The following KCTD1 variants were observed in gnomAD, a reference collection of about 807,000 sequenced individuals.
KCTD1 encodes the protein potassium channel tetramerization domain containing 1.
KCTD1 carries 24 observed loss-of-function variants against 66.0 expected under a neutral mutation model. That is an observed-to-expected ratio of 0.36 (90% CI 0.26 to 0.51). The LOEUF (loss-of-function observed/expected upper bound fraction) is 0.51, where lower values mean the gene tolerates loss of function less well. Ranked by LOEUF, KCTD1 falls within the 20% of genes least tolerant of loss-of-function variation. The probability of loss-of-function intolerance (pLI) is 0.95; values close to 1 mark genes in which losing one functional copy is unlikely to be tolerated. For synonymous variants in KCTD1, 511 were observed against 517.2 expected, an observed-to-expected ratio of 0.99 and a Z score of 0.16; for missense variants, 943 against 1,205.2, an observed-to-expected ratio of 0.78 and a Z score of 3.22.
intron 2 of KCTD1, among the ~76,000 whole-genome samples, chr18:26,480,839 G>A (rs1052315492): frequency 6.6e-6 from 1 of 152,104 alleles, no homozygotes; most frequent in Non-Finnish European, 1.5e-5. Context: ...AATCTCTGAG[G>A]AAACCAAGCC....
chr18:26,530,676 C>T (rs1449731664), intron 1 of KCTD1, among the ~76,000 whole-genome samples: 3 of 152,204 alleles, frequency 2.0e-5, no homozygotes, highest in Admixed American at 6.5e-5. Context: ...TTGGAACATA[C>T]GTGGTAGAGC....
intron 1 of KCTD1, among the ~76,000 whole-genome samples, chr18:26,607,229 T>A (rs1287495440): frequency 6.6e-6 from 1 of 152,190 alleles, no homozygotes; most frequent in Non-Finnish European, 1.5e-5. Context: ...AGAGATGGGA[T>A]CTTGCTGTGT....
intron 1 of KCTD1, among the ~76,000 whole-genome samples, chr18:26,652,470 G>A (rs1164887945): frequency 3.3e-5 from 5 of 152,152 alleles, no homozygotes; most frequent in African/African-American, 1.2e-4. Context: ...CTTTTAAAAA[G>A]CATCCAACCA....
chr18:26,647,912 T>G (rs1987961189), intron 1 of KCTD1, among the ~76,000 whole-genome samples: 1 of 152,080 alleles, frequency 6.6e-6, no homozygotes, highest in Non-Finnish European at 1.5e-5. Flanking sequence ...TAATCTCGGC[T>G]CACTGCAACC....
chr18:26,641,204 C>A (rs1232751992), upstream of KCTD1, among the ~76,000 whole-genome samples: 1 of 152,166 alleles, frequency 6.6e-6, no homozygotes, highest in Non-Finnish European at 1.5e-5. Context: ...TGTTCAAGTT[C>A]CCTGCCCCGC....
intron 1 of KCTD1, among the ~76,000 whole-genome samples, chr18:26,571,743 T>C (rs1598946768): frequency 1.3e-5 from 2 of 152,304 alleles, no homozygotes; most frequent in East Asian, 3.9e-4. Flanking sequence ...ATCATAAATA[T>C]GGTATGGTGA....
At chr18:26,639,012 C>G (rs17680748) in intron 1 of KCTD1, among the ~76,000 whole-genome samples, 1 of 152,130 alleles carries the variant, frequency 6.6e-6, no homozygotes, top group South Asian at 2.1e-4. Context: ...GAGATGCCCA[C>G]GGGACTGCGG....
chr18:26,575,905 G>T (rs1023378911), intron 1 of KCTD1, among the ~76,000 whole-genome samples: 1 of 152,126 alleles, frequency 6.6e-6, no homozygotes, highest in Non-Finnish European at 1.5e-5. Flanking sequence ...GACGATATTC[G>T]GTGTTATTTT....
intron 1 of KCTD1, among the ~76,000 whole-genome samples, chr18:26,579,480 GTGAGTTCCACC>G (rs1423543167): frequency 6.6e-6 from 1 of 152,090 alleles, no homozygotes; most frequent in African/African-American, 2.4e-5. Context: ...TTGTCATCTG[GTGAGTTCCACC>G]TGATTTAGAT....
chr18:26,558,676 C>A (rs1366770979), intron 1 of KCTD1, among the ~76,000 whole-genome samples: 1 of 152,162 alleles, frequency 6.6e-6, no homozygotes, highest in South Asian at 2.1e-4. Context: ...GTAATCCCAG[C>A]ACTTTGGGAG....
intron 2 of KCTD1, among the ~76,000 whole-genome samples, chr18:26,494,149 C>A (rs901868542): frequency 6.6e-6 from 1 of 152,158 alleles, no homozygotes; most frequent in African/African-American, 2.4e-5. Context: ...GTGGGAGGAT[C>A]ACTTGAGGCC....
rs1235940822 is a variant in KCTD1, at chr18:26,610,594, AAAGGAAGGAAGGAAGGAAGG to A, written c.-16+18533_-16+18552del. Among the ~76,000 whole-genome samples the A allele has an allele frequency of 4.7e-3, 698 of 147,794 alleles. 4 individuals carry two copies. Among genetic ancestry groups the A allele is most frequent in the Admixed American group, 5.6e-3 (84 of 14,936 alleles). ...CTAAGAAAGAGAGAGAGAGAGAAAG[AAAGGAAGGAAGGAAGGAAGG>A]AATGAAGGAAGGAAGGAAGGAGGGA... On this transcript the variant is annotated intron_variant, in intron 1 of 4. Transcript: ENST00000317932.
At chr18:26,582,105 CA>C (rs34695011) in intron 1 of KCTD1, among the ~76,000 whole-genome samples, 98,713 of 134,784 alleles carry the variant, frequency 0.73, 35,548 homozygotes, top group Middle Eastern at 0.88. Flanking sequence ...CTGTCTCTAC[CA>C]AAAAAAAAAA....
At chr18:26,471,559 G>A (rs563014257) in intron 3 of KCTD1, among the ~76,000 whole-genome samples, 1 of 152,176 alleles carries the variant, frequency 6.6e-6, no homozygotes, top group South Asian at 2.1e-4. Context: ...TCAGGGATGG[G>A]GTAGGATGGT....
intron 1 of KCTD1, among the ~76,000 whole-genome samples, chr18:26,567,900 C>G (rs919894889): frequency 6.6e-6 from 1 of 152,172 alleles, no homozygotes; most frequent in African/African-American, 2.4e-5. Flanking sequence ...CCCTCTCTTA[C>G]TGCATCAGAA....
chr18:26,609,226 T>G (rs754359381), intron 1 of KCTD1, among the ~76,000 whole-genome samples: 2 of 152,144 alleles, frequency 1.3e-5, no homozygotes, highest in African/African-American at 4.8e-5. Flanking sequence ...TATGATACAT[T>G]TATATGAAAA....
At chr18:26,475,032 C>G (rs938357195) in intron 3 of KCTD1, among the ~76,000 whole-genome samples, 1 of 152,092 alleles carries the variant, frequency 6.6e-6, no homozygotes, top group Non-Finnish European at 1.5e-5. Context: ...TGAAATGCCA[C>G]CTTTATGGTA....
intron 4 of KCTD1, chr18:26,458,713 A>T (rs201144098): frequency 6.6e-6 from 1 of 152,266 alleles, no homozygotes; most frequent in Non-Finnish European, 1.5e-5. Flanking sequence ...CCACTCACCC[A>T]GTTCCTCTGT....
At chr18:26,514,748 A>G (rs1983562764) in intron 1 of KCTD1, among the ~76,000 whole-genome samples, 1 of 152,132 alleles carries the variant, frequency 6.6e-6, no homozygotes, top group South Asian at 2.1e-4. Flanking sequence ...ATATAGACCA[A>G]TTCTCTTCTG....
Sources: gnomAD v4.1 joint callset for allele counts (sites outside exome capture counted in the v4.1 genomes callset) on GRCh38, gnomAD v4.1.1 for gene constraint, MANE v1.5 for transcripts, NCBI Gene and HGNC (gene_info 2026-07-23, HGNC 2026-07-21) for gene names.